The following PPP2R3A variants were observed in gnomAD, a reference collection of about 807,000 sequenced individuals.
PPP2R3A encodes the protein protein phosphatase 2 regulatory subunit B''alpha.
In PPP2R3A, 80 loss-of-function variants were observed where a neutral mutation model predicts 106.9. That is an observed-to-expected ratio of 0.75 (90% CI 0.62 to 0.90). PPP2R3A has a LOEUF of 0.90. PPP2R3A is among the 40% of genes least tolerant of loss of function. The pLI, the probability that PPP2R3A is intolerant of heterozygous loss-of-function variation, is 0.00. For missense variants in PPP2R3A, 1,386 were observed against 1,350.4 expected, an observed-to-expected ratio of 1.03 and a Z score of -0.41; for synonymous variants, 483 against 468.3, an observed-to-expected ratio of 1.03 and a Z score of -0.41.
At chr3:135,992,141 G>A (rs1017055192) in intron 1 of PPP2R3A, among the ~76,000 whole-genome samples, 1 of 151,832 alleles carries the variant, frequency 6.6e-6, no homozygotes, top group Non-Finnish European at 1.5e-5. Flanking sequence ...CCACAAATAG[G>A]CCTTACTGTA....
chr3:136,107,276 C>G (rs1367682819), intron 13 of PPP2R3A, among the ~76,000 whole-genome samples: 1 of 151,932 alleles, frequency 6.6e-6, no homozygotes, highest in Non-Finnish European at 1.5e-5. Flanking sequence ...AGGCACTATT[C>G]ATATAATATT....
chr3:136,126,828 T>G (rs1053400169), intron 13 of PPP2R3A, among the ~76,000 whole-genome samples: 1 of 152,196 alleles, frequency 6.6e-6, no homozygotes, highest in African/African-American at 2.4e-5. Context: ...CAATCTGTAA[T>G]ATTTGCTGTT....
At chr3:136,051,071 C>A (rs1007361896) in intron 5 of PPP2R3A, among the ~76,000 whole-genome samples, 4 of 152,180 alleles carry the variant, frequency 2.6e-5, no homozygotes, top group African/African-American at 9.7e-5. Flanking sequence ...GCACCTGTTT[C>A]TACTATAGCA....
At chr3:136,022,380 T>C (rs956344471) in intron 2 of PPP2R3A, among the ~76,000 whole-genome samples, 6 of 152,192 alleles carry the variant, frequency 3.9e-5, no homozygotes, top group Non-Finnish European at 7.4e-5. Context: ...GATCAACAGA[T>C]CTTTTTGTAA....
chr3:135,977,915 G>A (rs1397281405), intron 1 of PPP2R3A, among the ~76,000 whole-genome samples: 1 of 151,810 alleles, frequency 6.6e-6, no homozygotes, highest in Non-Finnish European at 1.5e-5. Flanking sequence ...GCCCAGGCTG[G>A]TCTTGAACTC....
At chr3:135,971,325 C>A (rs1171304209) in intron 1 of PPP2R3A, among the ~76,000 whole-genome samples, 5 of 152,112 alleles carry the variant, frequency 3.3e-5, no homozygotes, top group Non-Finnish European at 5.9e-5. Flanking sequence ...AGGCTTCTAC[C>A]TCGAAGACTT....
intron 13 of PPP2R3A, among the ~76,000 whole-genome samples, chr3:136,137,604 C>T (rs1938677915): frequency 1.6e-5 from 2 of 124,526 alleles, no homozygotes; most frequent in South Asian, 2.7e-4. Flanking sequence ...TGCAGTAGCG[C>T]GATCTCCGCT....
intron 2 of PPP2R3A, among the ~76,000 whole-genome samples, chr3:136,017,672 C>G (rs1237694840): frequency 6.6e-6 from 1 of 152,184 alleles, no homozygotes; most frequent in Non-Finnish European, 1.5e-5. Context: ...GTAGCATCTT[C>G]TGAGCAAAAT....
intron 13 of PPP2R3A, among the ~76,000 whole-genome samples, chr3:136,107,647 G>T: frequency 6.6e-6 from 1 of 151,748 alleles, no homozygotes; most frequent in Non-Finnish European, 1.5e-5. Context: ...TTTTTTGAGG[G>T]TGCTGAACAA....
chr3:136,010,970 T>C (rs1156713872), intron 2 of PPP2R3A, among the ~76,000 whole-genome samples: 1 of 152,174 alleles, frequency 6.6e-6, no homozygotes, highest in Non-Finnish European at 1.5e-5. Context: ...TCTGCTCTTC[T>C]TCACTCCAGG....
chr3:135,987,549 TA>T (rs1308110706), intron 1 of PPP2R3A, among the ~76,000 whole-genome samples: 1 of 152,138 alleles, frequency 6.6e-6, no homozygotes, highest in Non-Finnish European at 1.5e-5. Context: ...CTATTCAGTA[TA>T]AAAAACATCC....
chr3:136,059,959 A>G (rs1936020935), intron 5 of PPP2R3A, among the ~76,000 whole-genome samples: 1 of 152,164 alleles, frequency 6.6e-6, no homozygotes, highest in Non-Finnish European at 1.5e-5. Context: ...GAGGGAAACA[A>G]CAGACACTGG....
intron 13 of PPP2R3A, chr3:136,106,947 A>AG (rs1277939194): frequency 6.9e-6 from 1 of 145,972 alleles, no homozygotes; most frequent in Non-Finnish European, 1.5e-5. Flanking sequence ...AAAAAAAAAA[A>AG]AAAAAAACTA....
At chr3:135,982,750 A>T (rs930788282) in intron 1 of PPP2R3A, among the ~76,000 whole-genome samples, 4 of 152,092 alleles carry the variant, frequency 2.6e-5, no homozygotes, top group Non-Finnish European at 5.9e-5. Context: ...TGATCTCAGT[A>T]TCATCTTCCC....
chr3:136,087,842 T>C, intron 8 of PPP2R3A, 41 bp from the exon 9 acceptor site: 1 of 1,536,842 alleles, frequency 6.5e-7, no homozygotes, highest in Non-Finnish European at 9.0e-7. Context: ...ATGGAGCATG[T>C]TTCTAACTAG....
At chr3:136,104,350 AGGCTGGAGTGCAATGGTGTGATCTC>A (rs1937460643) in intron 12 of PPP2R3A, among the ~76,000 whole-genome samples, 1 of 151,680 alleles carries the variant, frequency 6.6e-6, no homozygotes, top group East Asian at 1.9e-4. Context: ...CTTGTTGCCC[AGGCTGGAGTGCAATGGTGTGATCTC>A]GGCTCACCGC....
chr3:136,116,395 T>C (rs1308297944), intron 13 of PPP2R3A, among the ~76,000 whole-genome samples: 1 of 152,132 alleles, frequency 6.6e-6, no homozygotes, highest in Non-Finnish European at 1.5e-5. Flanking sequence ...CATAACAATA[T>C]TAACCTTAAA....
chr3:136,144,087 C>T (rs1225817429), intron 13 of PPP2R3A, among the ~76,000 whole-genome samples: 1 of 152,192 alleles, frequency 6.6e-6, no homozygotes, highest in African/African-American at 2.4e-5. Context: ...GCAGCCACAT[C>T]ATTTCCAAGA....
intron 1 of PPP2R3A, among the ~76,000 whole-genome samples, chr3:135,994,116 A>T (rs1436310154): frequency 6.6e-6 from 1 of 152,246 alleles, no homozygotes; most frequent in African/African-American, 2.4e-5. Context: ...AGCTCTAAAA[A>T]GCTGAAGGGA....
Sources: gnomAD v4.1 joint callset for allele counts (sites outside exome capture counted in the v4.1 genomes callset) on GRCh38, gnomAD v4.1.1 for gene constraint, MANE v1.5 for transcripts, NCBI Gene and HGNC (gene_info 2026-07-23, HGNC 2026-07-21) for gene names.